MAGI2: variants seen among roughly 807,000 people sequenced by gnomAD.
The protein encoded by MAGI2 is membrane associated guanylate kinase, WW and PDZ domain containing 2, also known as membrane-associated guanylate kinase, WW and PDZ domain-containing protein 2.
A neutral mutation model predicts 133.3 loss-of-function variants in MAGI2; 35 were observed. The ratio of observed to expected loss-of-function variants is 0.26; its 90% CI spans 0.20 to 0.35. The LOEUF (loss-of-function observed/expected upper bound fraction) is 0.35. Ranked by LOEUF, MAGI2 falls within the 10% of genes least tolerant of loss-of-function variation. MAGI2 has a pLI of 1.00. For synonymous variants in MAGI2, 729 were observed against 710.6 expected (o/e 1.03, Z -0.41); for missense variants, 1,636 against 1,863.4 (o/e 0.88, Z 2.25).
chr7:79,098,532 T>C (rs1334068940), intron 1 of MAGI2, among the ~76,000 whole-genome samples: 1 of 152,170 alleles, frequency 6.6e-6, no homozygotes, highest in Non-Finnish European at 1.5e-5. Context: ...GTGGAGTGTG[T>C]GAGTTTGGAT....
At chr7:78,381,493 C>A (rs1562918986) in intron 6 of MAGI2, among the ~76,000 whole-genome samples, 1 of 152,012 alleles carries the variant, frequency 6.6e-6, no homozygotes, top group Non-Finnish European at 1.5e-5. Flanking sequence ...TTCTATAGCT[C>A]AAAATACCAT....
chr7:78,434,901 T>TGCTG (rs890316689), intron 6 of MAGI2, among the ~76,000 whole-genome samples: 7 of 152,112 alleles, frequency 4.6e-5, no homozygotes, highest in African/African-American at 1.2e-4. Context: ...ATGAGGGAGT[T>TGCTG]GCTGGCTGGC....
chr7:78,737,108 T>C (rs550106477), intron 2 of MAGI2, among the ~76,000 whole-genome samples: 1 of 152,306 alleles, frequency 6.6e-6, no homozygotes, highest in South Asian at 2.1e-4. Context: ...AGAAAACAAT[T>C]GACAGTGATT....
At chr7:79,121,989 A>T (rs1407750823) in intron 1 of MAGI2, among the ~76,000 whole-genome samples, 1 of 152,168 alleles carries the variant, frequency 6.6e-6, no homozygotes, top group Non-Finnish European at 1.5e-5. Context: ...TTCAGTAGCT[A>T]TATCACTTTG....
chr7:78,353,303 T>C lies in MAGI2; in HGVS notation c.1104-7260A>G, dbSNP rs143498080. On this transcript the variant is annotated intron_variant, in intron 7 of 21. Transcript: ENST00000354212. ...GACTAAGTAGTTTAAGTCCTTTACG[T>C]CTCATATATAATTCCATTGATTCCT... Among the ~76,000 whole-genome samples, 389 of 152,350 alleles carry C rather than the reference T, an allele frequency of 2.6e-3. 2 individuals carry two copies. Among genetic ancestry groups the C allele is most frequent in the African/African-American group, 8.2e-3 (341 of 41,576 alleles).
intron 10 of MAGI2, among the ~76,000 whole-genome samples, chr7:78,228,632 G>A (rs943586204): frequency 2.6e-5 from 4 of 152,126 alleles, no homozygotes; most frequent in African/African-American, 9.7e-5. Context: ...CAGGGTTTCC[G>A]AGTGTTTATA....
At chr7:78,666,528 G>A (rs527511968) in intron 2 of MAGI2, among the ~76,000 whole-genome samples, 1 of 152,116 alleles carries the variant, frequency 6.6e-6, no homozygotes, top group Non-Finnish European at 1.5e-5. Flanking sequence ...TCAAAATCTA[G>A]CCATTATATT....
intron 21 of MAGI2, among the ~76,000 whole-genome samples, chr7:78,070,630 GTA>G (rs1327011755): frequency 7.3e-6 from 1 of 136,792 alleles, no homozygotes. Flanking sequence ...GTGTGTGTGT[GTA>G]TATATATATA....
chr7:79,187,200 A>G (rs764950555), intron 1 of MAGI2, among the ~76,000 whole-genome samples: 4 of 151,800 alleles, frequency 2.6e-5, no homozygotes, highest in Non-Finnish European at 5.9e-5. Flanking sequence ...TAAAATGTAT[A>G]TAATTTAGTT....
intron 1 of MAGI2, among the ~76,000 whole-genome samples, chr7:79,023,192 A>G (rs1432910012): frequency 6.6e-6 from 1 of 152,126 alleles, no homozygotes; most frequent in Non-Finnish European, 1.5e-5. Context: ...ATACAAATCA[A>G]TAAGTGTGAT....
At chr7:78,944,529 C>T (rs1801249834) in intron 2 of MAGI2, among the ~76,000 whole-genome samples, 1 of 151,864 alleles carries the variant, frequency 6.6e-6, no homozygotes, top group African/African-American at 2.4e-5. Flanking sequence ...AATACCCAAG[C>T]CTGTTTCAAT....
intron 15 of MAGI2, among the ~76,000 whole-genome samples, chr7:78,164,163 C>T (rs944949261): frequency 2.0e-5 from 3 of 152,150 alleles, no homozygotes; most frequent in Admixed American, 6.5e-5. Context: ...TCAACTGGAC[C>T]CTTGGTTTCT....
At chr7:78,067,396 C>A (rs1813947250) in intron 21 of MAGI2, among the ~76,000 whole-genome samples, 1 of 152,130 alleles carries the variant, frequency 6.6e-6, no homozygotes, top group African/African-American at 2.4e-5. Context: ...ATGTGAGAAA[C>A]AGAGAGTTGC....
rs1798636591 is a variant in MAGI2 at position 78,914,475 on chromosome 7, GTA to G, written c.418+92613_418+92614del. 2.0e-5 allele frequency among the ~76,000 whole-genome samples: 3 copies of G among 152,170 alleles called. No individual in the cohort carries two copies. In the South Asian group the frequency reaches 6.2e-4, roughly 32 times the overall value. On this transcript the variant is annotated intron_variant, in intron 2 of 21. Transcript: ENST00000354212. ...ATATATATTTGTCAAATATCATAAAGTATAATGTTTGTGTGAAATAATTTGAT... is the reference window on the plus strand; with the variant it reads ...ATATATATTTGTCAAATATCATAAAGTAATGTTTGTGTGAAATAATTTGAT...
chr7:78,802,573 G>A (rs1324085611), intron 2 of MAGI2, among the ~76,000 whole-genome samples: 2 of 152,130 alleles, frequency 1.3e-5, no homozygotes, highest in Non-Finnish European at 2.9e-5. Context: ...GTGGAGCACG[G>A]AGGACTTTTA....
intron 20 of MAGI2, among the ~76,000 whole-genome samples, chr7:78,103,160 G>A (rs1818352596): frequency 6.6e-6 from 1 of 152,178 alleles, no homozygotes; most frequent in Admixed American, 6.5e-5. Flanking sequence ...CAGATGATCA[G>A]TGCTTCTGTT....
At chr7:79,378,748 T>A (rs1320441487) in intron 1 of MAGI2, among the ~76,000 whole-genome samples, 7 of 151,070 alleles carry the variant, frequency 4.6e-5, no homozygotes, top group Admixed American at 6.6e-5. Context: ...GTATCTTTAT[T>A]ATCTGCAAAA....
At chr7:78,895,291 T>C (rs1004837462) in intron 2 of MAGI2, among the ~76,000 whole-genome samples, 1 of 152,174 alleles carries the variant, frequency 6.6e-6, no homozygotes, top group Admixed American at 6.5e-5. Flanking sequence ...AGATGTGATA[T>C]CTTGTCTTGA....
chr7:78,030,960 G>T (rs1452268932), intron 21 of MAGI2, among the ~76,000 whole-genome samples: 1 of 152,162 alleles, frequency 6.6e-6, no homozygotes, highest in Non-Finnish European at 1.5e-5. Flanking sequence ...ACCAAAAACT[G>T]GGAACCACCA....
Sources: gnomAD v4.1 joint callset for allele counts (sites outside exome capture counted in the v4.1 genomes callset) on GRCh38, gnomAD v4.1.1 for gene constraint, MANE v1.5 for transcripts, NCBI Gene and HGNC (gene_info 2026-07-23, HGNC 2026-07-21) for gene names.